The following KLHL29 variants were observed in gnomAD, a reference collection of about 807,000 sequenced individuals.
The protein encoded by KLHL29 is kelch like family member 29, also known as kelch-like protein 29.
A neutral mutation model predicts 80.4 loss-of-function variants in KLHL29; 21 were observed. The ratio of observed to expected loss-of-function variants is 0.26; its 90% CI spans 0.19 to 0.38. The LOEUF is 0.38. Among genes scored for constraint, KLHL29 ranks in the 10% least tolerant of loss-of-function variants. The pLI is 1.00. For synonymous variants in KLHL29, 511 were observed against 526.8 expected (o/e 0.97, Z 0.41); for missense variants, 867 against 1,223.9 (o/e 0.71, Z 4.35).
At chr2:23,559,152 G>C (rs777860068) in intron 2 of KLHL29, among the ~76,000 whole-genome samples, 1 of 152,170 alleles carries the variant, frequency 6.6e-6, no homozygotes, top group Non-Finnish European at 1.5e-5. Flanking sequence ...AAAGAGCAGC[G>C]TGGACTTGGA....
intron 3 of KLHL29, among the ~76,000 whole-genome samples, chr2:23,613,763 C>CAAAAAAAAAAAAAAAAAAA (rs1157736706): frequency 6.3e-5 from 4 of 63,718 alleles, no homozygotes; most frequent in African/African-American, 1.8e-4. Context: ...GACTCCATCT[C>CAAAAAAAAAAAAAAAAAAA]AAAAAAAAAA....
chr2:23,482,922 A>C (rs1664839844), intron 2 of KLHL29, among the ~76,000 whole-genome samples: 1 of 152,150 alleles, frequency 6.6e-6, no homozygotes, highest in Non-Finnish European at 1.5e-5. Flanking sequence ...TGGGATCCAG[A>C]GAGGTCAGAC....
At chr2:23,505,230 T>TC (rs1345115795) in intron 2 of KLHL29, among the ~76,000 whole-genome samples, 6 of 152,190 alleles carry the variant, frequency 3.9e-5, no homozygotes, top group Non-Finnish European at 7.3e-5. Flanking sequence ...TGAGAGGAGA[T>TC]CTGAGAGCCC....
At chr2:23,437,831 T>G (rs561109221) in intron 1 of KLHL29, among the ~76,000 whole-genome samples, 1 of 152,348 alleles carries the variant, frequency 6.6e-6, no homozygotes, top group Non-Finnish European at 1.5e-5. Context: ...AAGTAGTTTT[T>G]TCCAATTCTG....
intron 3 of KLHL29, among the ~76,000 whole-genome samples, chr2:23,592,115 T>C (rs1347210720): frequency 2.0e-5 from 3 of 152,232 alleles, no homozygotes; most frequent in Non-Finnish European, 2.9e-5. Context: ...CACTCACTGC[T>C]GTGGAAATTA....
chr2:23,421,843 C>A lies in KLHL29; in HGVS notation c.-154+36063C>A, dbSNP rs1662820050. 1.3e-5 allele frequency among the ~76,000 whole-genome samples: 2 copies of A among 150,668 alleles called. 1 individual carries two copies. Among genetic ancestry groups the A allele is most frequent in the South Asian group, 4.2e-4 (2 of 4,746 alleles). On this transcript the variant is annotated intron_variant, in intron 1 of 13. Coordinates refer to ENST00000486442, the MANE Select transcript of KLHL29 (RefSeq NM_052920.2). ...GTATGTACATCTCTGGCTCCAAAGACCAGGTCTGTGTGTGAATGTGTATTT... is the reference window on the plus strand; with the variant it reads ...GTATGTACATCTCTGGCTCCAAAGAACAGGTCTGTGTGTGAATGTGTATTT...
chr2:23,414,607 T>TC (rs1666943141), intron 1 of KLHL29, among the ~76,000 whole-genome samples: 1 of 152,068 alleles, frequency 6.6e-6, no homozygotes, highest in Non-Finnish European at 1.5e-5. Flanking sequence ...TGAGCCTCTT[T>TC]CCCCCAAAGG....
intron 2 of KLHL29, among the ~76,000 whole-genome samples, chr2:23,528,125 A>G (rs922251555): frequency 1.3e-5 from 2 of 152,238 alleles, no homozygotes; most frequent in African/African-American, 4.8e-5. Flanking sequence ...TTGGTTTAAA[A>G]TGTTGTTCTT....
chr2:23,666,579 C>T (rs1670559500), intron 5 of KLHL29, among the ~76,000 whole-genome samples: 1 of 152,216 alleles, frequency 6.6e-6, no homozygotes, highest in Non-Finnish European at 1.5e-5. Context: ...TTCCGCAAAG[C>T]CCGGCAGAAG....
chr2:23,554,500 G>A (rs746006975), intron 2 of KLHL29, among the ~76,000 whole-genome samples: 11 of 152,108 alleles, frequency 7.2e-5, no homozygotes, highest in South Asian at 2.1e-4. Flanking sequence ...CCACTCCTTC[G>A]GCGTGTCTTA....
chr2:23,428,812 C>T (rs1037756191), intron 1 of KLHL29, among the ~76,000 whole-genome samples: 25 of 152,172 alleles, frequency 1.6e-4, no homozygotes, highest in African/African-American at 6.0e-4. Flanking sequence ...CCGTTGGCTC[C>T]CCCAACAGAA....
chr2:23,697,715 A>ATTGATC (rs1221909444), intron 11 of KLHL29: 1 of 151,026 alleles, frequency 6.6e-6, no homozygotes, highest in Non-Finnish European at 1.5e-5. Flanking sequence ...TAGTTATCAT[A>ATTGATC]TTGATCTGGC....
chr2:23,652,122 A>G (rs1670103670), intron 5 of KLHL29, among the ~76,000 whole-genome samples: 1 of 152,182 alleles, frequency 6.6e-6, no homozygotes. Context: ...TCTGCCTTCT[A>G]CCTGTGGGTG....
At chr2:23,446,681 C>G (rs1386974372) in intron 1 of KLHL29, among the ~76,000 whole-genome samples, 1 of 152,152 alleles carries the variant, frequency 6.6e-6, no homozygotes, top group Non-Finnish European at 1.5e-5. Flanking sequence ...CCTGTAAAAC[C>G]CAAGGTGTTG....
chr2:23,665,827 CA>C (rs1308428609), intron 5 of KLHL29, among the ~76,000 whole-genome samples: 13 of 152,306 alleles, frequency 8.5e-5, no homozygotes, highest in Middle Eastern at 6.8e-3. Flanking sequence ...AGCTATTCAC[CA>C]GGGGTCCGCA....
intron 3 of KLHL29, 101 bp from the exon 4 acceptor site, chr2:23,639,038 A>C (rs1411800619): frequency 8.4e-7 from 1 of 1,190,330 alleles, no homozygotes; most frequent in Non-Finnish European, 1.1e-6. Flanking sequence ...AGCTTAGGCA[A>C]CTGGAGTCTT....
intron 2 of KLHL29, among the ~76,000 whole-genome samples, chr2:23,482,891 C>G (rs1323763644): frequency 6.6e-6 from 1 of 152,060 alleles, no homozygotes; most frequent in South Asian, 2.1e-4. Context: ...CTGGTAGTCA[C>G]ATTGTACATT....
At chr2:23,474,418 G>A (rs986910150) in intron 1 of KLHL29, among the ~76,000 whole-genome samples, 1 of 152,188 alleles carries the variant, frequency 6.6e-6, no homozygotes, top group African/African-American at 2.4e-5. Flanking sequence ...AAAGTGATCA[G>A]TTTCTCCTTG....
At chr2:23,556,064 G>A (rs1667283240) in intron 2 of KLHL29, among the ~76,000 whole-genome samples, 1 of 152,236 alleles carries the variant, frequency 6.6e-6, no homozygotes, top group Non-Finnish European at 1.5e-5. Context: ...CCAGTGACGT[G>A]TTCCCTCCCT....
Sources: gnomAD v4.1 joint callset for allele counts (sites outside exome capture counted in the v4.1 genomes callset) on GRCh38, gnomAD v4.1.1 for gene constraint, MANE v1.5 for transcripts, NCBI Gene and HGNC (gene_info 2026-07-23, HGNC 2026-07-21) for gene names.